The following NRAP variants were observed in gnomAD, a reference collection of about 807,000 sequenced individuals.
NRAP encodes the protein nebulin-related-anchoring protein.
NRAP carries 189 observed loss-of-function variants against 225.9 expected under a neutral mutation model. The ratio of observed to expected loss-of-function variants is 0.84; its 90% CI spans 0.74 to 0.94. The LOEUF is 0.94. Ranked by LOEUF, NRAP falls within the 40% of genes least tolerant of loss-of-function variation. The probability of loss-of-function intolerance (pLI) is 0.00; values close to 1 mark genes in which losing one functional copy is unlikely to be tolerated. For synonymous variants in NRAP, 769 were observed against 790.7 expected (o/e 0.97, Z 0.46); for missense variants, 2,176 against 2,168.7 (o/e 1.00, Z -0.07).
At position 113,624,000 on chromosome 10, in the gene NRAP, G is replaced by T. The variant is rs72833770; in HGVS notation, c.2350-364C>A. 2.5e-3 allele frequency among the ~76,000 whole-genome samples: 384 copies of T among 152,278 alleles called. 1 individual carries two copies. The highest frequency in any genetic ancestry group is 4.2e-3 in the Non-Finnish European group (289 of 68,012). ...GTCCACGCACCCCACCCTGCCAGCA[G>T]CGGCTCCAGCTGCACCTCTTTCTCT... On this transcript the variant is annotated intron_variant, in intron 22 of 41. Transcript: ENST00000359988.
chr10:113,642,242 G>T (rs991725329), intron 12 of NRAP, among the ~76,000 whole-genome samples: 2 of 152,164 alleles, frequency 1.3e-5, no homozygotes, highest in African/African-American at 4.8e-5. Flanking sequence ...GAGTGGCTCA[G>T]GGAGCTTAAA....
chr10:113,597,248 A>G (rs1037487199), intron 36 of NRAP, 64 bp from the exon 37 acceptor site: 5 of 1,016,670 alleles, frequency 4.9e-6, no homozygotes, highest in Non-Finnish European at 7.9e-6. Context: ...TTCAGGGTGC[A>G]GCTTCACTCC....
chr10:113,594,933 T>C lies in NRAP; in HGVS notation c.4536+690A>G, dbSNP rs1291228296. Among the ~76,000 whole-genome samples the C allele has an allele frequency of 3.9e-5, 6 of 152,236 alleles. No homozygotes were observed. In the East Asian group the frequency reaches 1.2e-3, roughly 29 times the overall value. On this transcript the variant is annotated intron_variant, in intron 38 of 41. Transcript: ENST00000359988. ...AGGCCAACACACTCAGCCTGTGTTA[T>C]TCTGATCTGACAGTGTCTTTTGATT...
chr10:113,642,019 CA>C (rs1186513961), intron 12 of NRAP, among the ~76,000 whole-genome samples: 1 of 151,890 alleles, frequency 6.6e-6, no homozygotes, highest in African/African-American at 2.4e-5. Flanking sequence ...AAGAGAAGAC[CA>C]AAACAGGATG....
At chr10:113,589,572 C>T (rs1283118378) in intron 41 of NRAP, 94 bp downstream of exon 41, 12 of 1,472,928 alleles carry the variant, frequency 8.1e-6, no homozygotes, top group East Asian at 2.3e-5. Context: ...AGCTAGCTGA[C>T]CTTTGGCCAA....
chr10:113,620,017 T>A (rs1233359516), intron 25 of NRAP, among the ~76,000 whole-genome samples: 2 of 152,170 alleles, frequency 1.3e-5, no homozygotes, highest in African/African-American at 4.8e-5. Context: ...ACGTCAGTAG[T>A]GCCGAAGTTG....
intron 3 of NRAP, among the ~76,000 whole-genome samples, chr10:113,659,854 C>T (rs989576499): frequency 5.3e-5 from 8 of 152,060 alleles, no homozygotes; most frequent in Admixed American, 5.2e-4. Context: ...AATCTCTTTC[C>T]TTTTTTGATT....
intron 3 of NRAP, among the ~76,000 whole-genome samples, chr10:113,658,762 G>C (rs749721532): frequency 2.0e-5 from 3 of 151,716 alleles, no homozygotes; most frequent in Non-Finnish European, 4.4e-5. Context: ...CACGCCTGTA[G>C]TCCCAACTAC....
Position 113,605,901 on chromosome 10 carries a change from A to T in NRAP, c.3808-32T>A, listed in dbSNP as rs1469072899. ...TGGGAACACATGTAAATCTTTTTTA[A>T]AAAATTACATGAATCAACGAGCAAA... On this transcript the variant is annotated intron_variant, in intron 33 of 41. Coordinates refer to ENST00000359988, the MANE Select transcript of NRAP (RefSeq NM_198060.4). The T allele has an allele frequency of 2.0e-6, 3 of 1,492,454 alleles. No homozygotes were observed. In the African/African-American group the frequency reaches 4.1e-5, roughly 21 times the overall value. 92.5% of individuals were successfully genotyped at this position (1,492,454 alleles called of 1,614,324 possible).
intron 37 of NRAP, 62 bp downstream of exon 37, chr10:113,597,024 C>T: frequency 9.0e-7 from 1 of 1,116,742 alleles, no homozygotes; most frequent in Non-Finnish European, 1.4e-6. Flanking sequence ...GTTCTTAGAC[C>T]CGGACCACTG....
At chr10:113,643,954 C>G (rs1849352745) in intron 11 of NRAP, among the ~76,000 whole-genome samples, 1 of 151,810 alleles carries the variant, frequency 6.6e-6, no homozygotes, top group Admixed American at 6.6e-5. Flanking sequence ...ACCAGCCTGG[C>G]CAGCAGACGG....
At chr10:113,611,155 A>T (rs1847295936) in intron 30 of NRAP, among the ~76,000 whole-genome samples, 1 of 152,106 alleles carries the variant, frequency 6.6e-6, no homozygotes, top group African/African-American at 2.4e-5. Context: ...TCCAATCGCT[A>T]TCACAACCAG....
At chr10:113,629,099 A>C (rs1159735843) in intron 19 of NRAP, 78 bp from the exon 20 acceptor site, 2 of 1,031,606 alleles carry the variant, frequency 1.9e-6, no homozygotes, top group Non-Finnish European at 3.1e-6. Flanking sequence ...AGTTAAGAAG[A>C]TCTTGATCCT....
At chr10:113,659,947 A>G (rs75576483) in intron 3 of NRAP, among the ~76,000 whole-genome samples, 4,254 of 152,044 alleles carry the variant, frequency 0.028, 210 homozygotes, top group African/African-American at 0.098. Flanking sequence ...GGTAATTCAT[A>G]ACACACCCTA....
At chr10:113,637,318 G>A (rs776984315) in intron 14 of NRAP, among the ~76,000 whole-genome samples, 8 of 152,172 alleles carry the variant, frequency 5.3e-5, no homozygotes, top group Non-Finnish European at 1.2e-4. Flanking sequence ...ACCGAAAGTG[G>A]CTTGCTCCAG....
intron 38 of NRAP, among the ~76,000 whole-genome samples, chr10:113,594,581 G>A (rs1592722600): frequency 6.6e-6 from 1 of 152,238 alleles, no homozygotes; most frequent in Non-Finnish European, 1.5e-5. Context: ...CTGCTGAGGG[G>A]GAGGTCCTGC....
intron 25 of NRAP, among the ~76,000 whole-genome samples, chr10:113,618,012 C>T (rs1218522206): frequency 1.3e-5 from 2 of 152,166 alleles, no homozygotes; most frequent in Non-Finnish European, 1.5e-5. Flanking sequence ...TTCAGCAGCC[C>T]GCGAGCGTAT....
intron 34 of NRAP, 71 bp from the exon 35 acceptor site, chr10:113,604,991 T>A (rs1846864253): frequency 6.6e-7 from 1 of 1,519,856 alleles, no homozygotes; most frequent in South Asian, 1.3e-5. Context: ...AAATCACTTG[T>A]TCTTACACTA....
rs1254547205 is a variant in NRAP, at chr10:113,646,959, A to G, written c.957T>C (p.Tyr319=). The G allele has an allele frequency of 6.2e-7, 1 of 1,613,960 alleles. No homozygotes were observed. The highest frequency in any genetic ancestry group is 1.1e-5 in the South Asian group (1 of 91,076). ...GTTCGTGAGCTTTCTTGGCGTTCTG[A>G]TATGCTGGAGTGATCATAGCTGGGA... ...GSFPAMITPA[Y]QNAKKAHELA... Residue 319 remains tyrosine, a synonymous_variant, in exon 10 of 42, where the codon TAT becomes TAC. Coordinates refer to ENST00000359988, the MANE Select transcript of NRAP (RefSeq NM_198060.4).
Sources: allele counts gnomAD v4.1 joint callset (sites outside exome capture counted in the v4.1 genomes callset), GRCh38; gene constraint gnomAD v4.1.1; transcripts MANE v1.5; gene names NCBI Gene and HGNC (gene_info 2026-07-23, HGNC 2026-07-21).